DPYSL3: variants seen among roughly 807,000 people sequenced by gnomAD.
The protein encoded by DPYSL3 is dihydropyrimidinase like 3.
A neutral mutation model predicts 66.1 loss-of-function variants in DPYSL3; 16 were observed. That is an observed-to-expected ratio of 0.24 (90% CI 0.16 to 0.37). DPYSL3 has a LOEUF of 0.37. Ranked by LOEUF, DPYSL3 falls within the 10% of genes least tolerant of loss-of-function variation. The pLI is 1.00. For synonymous variants in DPYSL3, 338 were observed against 345.1 expected (o/e 0.98, Z 0.23); for missense variants, 738 against 916.2 (o/e 0.81, Z 2.51).
chr5:147,453,497 C>T, intron 1 of DPYSL3: 1 of 1,508,504 alleles, frequency 6.6e-7, no homozygotes, highest in Non-Finnish European at 8.9e-7. Flanking sequence ...GCCCGCAGCG[C>T]AGCGGACAGG....
rs1412384940 is a variant in DPYSL3, at chr5:147,401,701, A to T, written c.1154-5T>A. ...GCTCACCAAAGACTACATTTCCTAG[A>T]AGGGGCAGGAAACAGACAAGGGGTT... is the stretch of plus-strand genomic sequence containing the variant. On this transcript the variant is annotated splice_region_variant and splice_polypyrimidine_tract_variant and intron_variant, in intron 8 of 13. Transcript: ENST00000343218. The T allele has an allele frequency of 6.2e-7, 1 of 1,613,944 alleles. No homozygotes were observed. Among genetic ancestry groups the T allele is most frequent in the South Asian group, 1.1e-5 (1 of 91,044 alleles).
Position 147,395,598 on chromosome 5 carries a change from G to A in DPYSL3, c.1927C>T (p.Pro643Ser). The change falls in exon 13 of 14, where the codon CCT becomes TCT. Residue 643 changes from proline (P) to serine (S), a missense_variant. Transcript: ENST00000343218. Reference protein sequence around the residue: ...ARGSPTRPNPPVRNLHQSGFS... With the variant: ...ARGSPTRPNPSVRNLHQSGFS... ...CCCGACTGATGAAGATTCCTCACAG[G>A]TGGGTTCGGCCGAGTAGGAGAGCCC... 6.2e-7 allele frequency: 1 copy of A among 1,613,890 alleles called. No individual in the cohort carries two copies. The highest frequency in any genetic ancestry group is 8.5e-7 in the Non-Finnish European group (1 of 1,179,954).
At chr5:147,403,816 T>C (rs914160093) in intron 8 of DPYSL3, among the ~76,000 whole-genome samples, 1 of 152,114 alleles carries the variant, frequency 6.6e-6, no homozygotes, top group African/African-American at 2.4e-5. Flanking sequence ...CAGCAGCCAG[T>C]TTTTCATCCC....
chr5:147,399,036 G>A (rs1758082948), intron 11 of DPYSL3, 46 bp downstream of exon 11: 1 of 1,596,080 alleles, frequency 6.3e-7, no homozygotes, highest in Non-Finnish European at 8.5e-7. Context: ...CAAGTTCCTT[G>A]CATGCATTCT....
chr5:147,451,832 T>C (rs1467221419), intron 1 of DPYSL3, among the ~76,000 whole-genome samples: 2 of 152,216 alleles, frequency 1.3e-5, no homozygotes, highest in Non-Finnish European at 2.9e-5. Flanking sequence ...TCTTTTTTTC[T>C]TTTTTCTTTC....
chr5:147,452,881 GCA>G (rs3995474), intron 1 of DPYSL3, among the ~76,000 whole-genome samples: 22,283 of 136,990 alleles, frequency 0.16, 1,653 homozygotes, highest in Admixed American at 0.26. Flanking sequence ...TGCATCGAAG[GCA>G]CACACACACA....
chr5:147,418,735 G>A, intron 2 of DPYSL3, 104 bp from the exon 3 acceptor site: 1 of 1,039,378 alleles, frequency 9.6e-7, no homozygotes, highest in Middle Eastern at 2.2e-4. Flanking sequence ...AGTGTTACTT[G>A]TATTTATCAA....
At chr5:147,437,876 G>A (rs78821790) in intron 1 of DPYSL3, among the ~76,000 whole-genome samples, 1 of 152,234 alleles carries the variant, frequency 6.6e-6, no homozygotes, top group Non-Finnish European at 1.5e-5. Context: ...CTCAATAAAT[G>A]TGAGTTCCTT....
At chr5:147,405,875 C>T in intron 7 of DPYSL3, 145 bp from the exon 8 acceptor site, 1 of 998,806 alleles carries the variant, frequency 1.0e-6, no homozygotes, top group Non-Finnish European at 1.4e-6. Context: ...CCTATATCCA[C>T]ATCTCAGATC....
chr5:147,480,476 C>T (rs370092260), intron 1 of DPYSL3, among the ~76,000 whole-genome samples: 1 of 152,150 alleles, frequency 6.6e-6, no homozygotes, highest in East Asian at 1.9e-4. Flanking sequence ...CTGTCTGAAG[C>T]ACCTAGTAGG....
chr5:147,400,629 G>A, intron 10 of DPYSL3, 63 bp downstream of exon 10: 1 of 1,572,746 alleles, frequency 6.4e-7, no homozygotes. Context: ...GGTGGCAGGA[G>A]GTTCTGATCT....
chr5:147,499,414 G>T (rs1458731257), intron 1 of DPYSL3, among the ~76,000 whole-genome samples: 3 of 152,094 alleles, frequency 2.0e-5, no homozygotes, highest in Non-Finnish European at 4.4e-5. Flanking sequence ...CCCTGGAAAT[G>T]AAATACTTAG....
intron 1 of DPYSL3, among the ~76,000 whole-genome samples, chr5:147,451,803 C>G (rs920659722): frequency 2.0e-5 from 3 of 152,156 alleles, no homozygotes; most frequent in Non-Finnish European, 2.9e-5. Flanking sequence ...AGCTTTTGTC[C>G]CAATCAGCTT....
intron 1 of DPYSL3, among the ~76,000 whole-genome samples, chr5:147,483,244 T>G (rs1377114555): frequency 6.6e-6 from 1 of 152,240 alleles, no homozygotes; most frequent in Non-Finnish European, 1.5e-5. Context: ...CTTTCCGAGC[T>G]TTCAGCGAAT....
intron 2 of DPYSL3, among the ~76,000 whole-genome samples, chr5:147,422,947 C>G (rs1752112444): frequency 6.6e-6 from 1 of 152,008 alleles, no homozygotes; most frequent in Admixed American, 6.6e-5. Context: ...CACATGTATA[C>G]CTATGTAACA....
At chr5:147,412,833 T>C (rs1751882019) in intron 5 of DPYSL3, 145 bp from the exon 6 acceptor site, 1 of 707,366 alleles carries the variant, frequency 1.4e-6, no homozygotes, top group African/African-American at 1.8e-5. Context: ...TACATAGGCA[T>C]GACCAAAGAG....
chr5:147,406,446 T>C (rs1039684142), intron 7 of DPYSL3, among the ~76,000 whole-genome samples: 2 of 152,190 alleles, frequency 1.3e-5, no homozygotes, highest in African/African-American at 4.8e-5. Context: ...CTAGGTGACC[T>C]CGGGTACATT....
chr5:147,493,871 T>A (rs1472142241), intron 1 of DPYSL3, among the ~76,000 whole-genome samples: 1 of 152,172 alleles, frequency 6.6e-6, no homozygotes, highest in Non-Finnish European at 1.5e-5. Flanking sequence ...GAGAGAATGC[T>A]GAAAAATCCC....
intron 1 of DPYSL3, among the ~76,000 whole-genome samples, chr5:147,461,397 C>G (rs935009315): frequency 4.6e-5 from 7 of 152,166 alleles, no homozygotes; most frequent in African/African-American, 1.7e-4. Flanking sequence ...CTCAGGCTCA[C>G]TGTAAAACCC....
Sources: gnomAD v4.1 joint callset for allele counts (sites outside exome capture counted in the v4.1 genomes callset) on GRCh38, gnomAD v4.1.1 for gene constraint, MANE v1.5 for transcripts, NCBI Gene and HGNC (gene_info 2026-07-23, HGNC 2026-07-21) for gene names.